SUPT3H: variants seen among roughly 807,000 people sequenced by gnomAD.
SUPT3H encodes the protein SPT3 homolog, SAGA and STAGA complex component.
Under a neutral mutation model 44.3 loss-of-function variants are expected in SUPT3H, and 44 were observed. The observed-to-expected ratio is 0.99, with a 90% CI of 0.78 to 1.28. SUPT3H has a LOEUF of 1.28. SUPT3H is among the 50% of genes most tolerant of loss of function. The pLI is 0.00. For synonymous variants in SUPT3H, 124 were observed against 125.6 expected, an observed-to-expected ratio of 0.99 and a Z score of 0.09; for missense variants, 380 against 387.1, an observed-to-expected ratio of 0.98 and a Z score of 0.15.
At chr6:44,957,631 C>A (rs567005049) in intron 7 of SUPT3H, among the ~76,000 whole-genome samples, 69 of 151,812 alleles carry the variant, frequency 4.5e-4, no homozygotes, top group Non-Finnish European at 8.0e-4. Flanking sequence ...TTGGATCTAT[C>A]CACATAACAG....
chr6:45,133,557 A>C (rs909350727), intron 2 of SUPT3H, among the ~76,000 whole-genome samples: 3 of 152,182 alleles, frequency 2.0e-5, no homozygotes, highest in Non-Finnish European at 2.9e-5. Flanking sequence ...GACAAAACTG[A>C]AAAACAACAA....
In SUPT3H at chr6:45,020,316, T is replaced by C. The variant is rs114261949; in HGVS notation, c.273+230A>G. Among the ~76,000 whole-genome samples the C allele has an allele frequency of 5.3e-3, 804 of 152,096 alleles. 5 individuals carry two copies. Among genetic ancestry groups the C allele is most frequent in the African/African-American group, 0.018 (752 of 41,548 alleles). On this transcript the variant is annotated intron_variant, in intron 4 of 10. Coordinates refer to ENST00000371459, the MANE Select transcript of SUPT3H (RefSeq NM_003599.4). ...AAGTGTCTGCATAGACGCATAAGGA[T>C]AAGTGAGGGTTCGCTGTTAGCACAG...
intron 2 of SUPT3H, among the ~76,000 whole-genome samples, chr6:45,283,472 G>C (rs1378940035): frequency 6.6e-6 from 1 of 151,812 alleles, no homozygotes; most frequent in Non-Finnish European, 1.5e-5. Context: ...ACCAACAAAG[G>C]TCAAAAGAGA....
chr6:45,316,908 C>CT (rs1200208455), intron 2 of SUPT3H, among the ~76,000 whole-genome samples: 1 of 152,000 alleles, frequency 6.6e-6, no homozygotes, highest in Non-Finnish European at 1.5e-5. Flanking sequence ...GATATTCTAA[C>CT]TTTATGTATT....
intron 2 of SUPT3H, among the ~76,000 whole-genome samples, chr6:45,282,371 C>G (rs1478332500): frequency 6.6e-6 from 1 of 151,924 alleles, no homozygotes; most frequent in Non-Finnish European, 1.5e-5. Flanking sequence ...CTAGAATAAC[C>G]AATGCAGAGA....
At chr6:45,181,625 C>G (rs919990641) in intron 2 of SUPT3H, among the ~76,000 whole-genome samples, 2 of 149,244 alleles carry the variant, frequency 1.3e-5, no homozygotes, top group African/African-American at 2.5e-5. Context: ...GACAAAAAAC[C>G]AAACACCGCA....
chr6:45,069,398 C>A (rs962361241), intron 3 of SUPT3H, among the ~76,000 whole-genome samples: 23 of 152,108 alleles, frequency 1.5e-4, no homozygotes, highest in Admixed American at 1.4e-3. Flanking sequence ...GATATCATCA[C>A]CTGGTCTAAT....
intron 10 of SUPT3H, among the ~76,000 whole-genome samples, chr6:44,908,341 C>T (rs1269392503): frequency 5.9e-5 from 9 of 151,682 alleles, no homozygotes; most frequent in Admixed American, 2.0e-4. Context: ...TTAGTAGAGA[C>T]GGGGTTTTAC....
chr6:45,251,179 A>C (rs1772306496), intron 2 of SUPT3H: 1 of 152,182 alleles, frequency 6.6e-6, no homozygotes, highest in African/African-American at 2.4e-5. Context: ...TTAAGGGAAA[A>C]TGATTTGCAA....
chr6:45,312,687 G>T (rs941019366), intron 2 of SUPT3H, among the ~76,000 whole-genome samples: 3 of 139,442 alleles, frequency 2.2e-5, no homozygotes, highest in African/African-American at 5.3e-5. Flanking sequence ...TAATGTGGGG[G>T]GGGGGGGGGA....
intron 2 of SUPT3H, among the ~76,000 whole-genome samples, chr6:45,211,780 C>T (rs760676631): frequency 2.4e-4 from 36 of 151,820 alleles, no homozygotes; most frequent in Non-Finnish European, 4.3e-4. Flanking sequence ...ATCCCGGAGG[C>T]GGACGTTGCA....
chr6:44,978,118 G>T (rs777720683), intron 6 of SUPT3H, among the ~76,000 whole-genome samples: 5 of 152,170 alleles, frequency 3.3e-5, no homozygotes, highest in Non-Finnish European at 7.4e-5. Context: ...CAAATCCTTT[G>T]ATTCTGATTC....
chr6:45,282,516 TGAGAA>T (rs1350865742), intron 2 of SUPT3H, among the ~76,000 whole-genome samples: 6 of 151,762 alleles, frequency 4.0e-5, no homozygotes, highest in Admixed American at 6.6e-5. Context: ...TGAAATGAAG[TGAGAA>T]GAGAAGTTTC....
intron 10 of SUPT3H, among the ~76,000 whole-genome samples, chr6:44,855,326 T>C (rs1004728211): frequency 3.1e-4 from 47 of 152,296 alleles, no homozygotes; most frequent in African/African-American, 1.1e-3. Context: ...TCTCCCCAGC[T>C]TTATGGCCCA....
chr6:44,970,060 A>C (rs542915601), intron 6 of SUPT3H, among the ~76,000 whole-genome samples: 5 of 152,274 alleles, frequency 3.3e-5, no homozygotes, highest in Admixed American at 3.3e-4. Flanking sequence ...AAAATATTGA[A>C]TTCAGTTTTT....
intron 3 of SUPT3H, among the ~76,000 whole-genome samples, chr6:45,062,190 G>C (rs1445260148): frequency 1.3e-5 from 2 of 151,830 alleles, no homozygotes; most frequent in East Asian, 3.9e-4. Context: ...CCATAATAAA[G>C]TTGTTGTAAT....
At chr6:44,999,807 T>G (rs1306273575) in intron 6 of SUPT3H, among the ~76,000 whole-genome samples, 1 of 152,016 alleles carries the variant, frequency 6.6e-6, no homozygotes, top group African/African-American at 2.4e-5. Flanking sequence ...CCTACTATAT[T>G]TTCACTATAG....
intron 2 of SUPT3H, among the ~76,000 whole-genome samples, chr6:45,223,781 T>C (rs751976786): frequency 6.6e-6 from 1 of 151,540 alleles, no homozygotes; most frequent in Non-Finnish European, 1.5e-5. Context: ...ATGTAAATTA[T>C]TGCAAATATA....
intron 2 of SUPT3H, among the ~76,000 whole-genome samples, chr6:45,212,505 G>A (rs368440236): frequency 4.5e-5 from 1 of 22,406 alleles, no homozygotes; most frequent in East Asian, 2.4e-3. Flanking sequence ...GTGTGTGTGT[G>A]TGTGTGTGTG....
Sources: gnomAD v4.1 joint callset for allele counts (sites outside exome capture counted in the v4.1 genomes callset) on GRCh38, gnomAD v4.1.1 for gene constraint, MANE v1.5 for transcripts, NCBI Gene and HGNC (gene_info 2026-07-23, HGNC 2026-07-21) for gene names.